COX6B2: variants seen among roughly 807,000 people sequenced by gnomAD.
COX6B2 encodes cytochrome c oxidase subunit 6B2, also known as COX VIb-2.
In COX6B2, 12 loss-of-function variants were observed where a neutral mutation model predicts 13.7. The ratio of observed to expected loss-of-function variants is 0.87; its 90% CI spans 0.56 to 1.41. The LOEUF (loss-of-function observed/expected upper bound fraction) is 1.41, where lower values mean the gene tolerates loss of function less well. Ranked by LOEUF, COX6B2 falls within the 40% of genes most tolerant of loss-of-function variation. COX6B2 has a pLI of 0.00. For synonymous variants in COX6B2, 56 were observed against 46.6 expected (o/e 1.20, Z -0.82); for missense variants, 130 against 118.3 (o/e 1.10, Z -0.46).
rs916752522 is a variant in COX6B2 at position 55,350,130 on chromosome 19, A to AAAAAAT, written c.*779_*784dup. ...TGACAGGAGCGAAACTCTGTCTCAA[A>AAAAAAT]AAAAATAAAAATAAAAATAAAAATG... On this transcript the variant is annotated 3_prime_UTR_variant, in exon 5 of 5. Coordinates refer to ENST00000326529, the MANE Select transcript of COX6B2 (RefSeq NM_144613.5). This position sits in a 1 kb window ranked among gnomAD's most constrained non-coding sequence, Gnocchi z 4.2. 5.9e-5 allele frequency: 9 copies of AAAAAAT among 152,194 alleles called. No homozygotes were observed. Among genetic ancestry groups the AAAAAAT allele is most frequent in the South Asian group, 4.1e-4 (2 of 4,834 alleles). The allele number at this position is 152,194 out of a possible 1,614,324, so 9.4% of individuals were successfully genotyped here. A position where few individuals can be genotyped will look rare whatever the true frequency, so the allele number is the denominator to read the frequency against.
rs2089677926 is a variant in COX6B2, at chr19:55,352,809, G to T, written c.*114+798C>A. 6.6e-6 allele frequency: 1 copy of T among 152,340 alleles called. No homozygotes were observed. The highest frequency in any genetic ancestry group is 6.5e-5 in the Admixed American group (1 of 15,282). The allele number at this position is 152,340 out of a possible 1,614,324, so 9.4% of individuals were successfully genotyped here. A position where few individuals can be genotyped will look rare whatever the true frequency, so the allele number is the denominator to read the frequency against. On this transcript the variant is annotated intron_variant, in intron 4 of 4. Transcript: ENST00000326529. The surrounding 1 kb of genome is among the most constrained non-coding windows in gnomAD (Gnocchi z 6.2). Reference sequence around the variant, plus strand: ...TCCGTGTTACTGCCGGGATGGGGAAGGAGTAAAGAATGATTCCGAGGGAGC... The same window carrying T: ...TCCGTGTTACTGCCGGGATGGGGAATGAGTAAAGAATGATTCCGAGGGAGC...
At position 55,353,849 on chromosome 19, in the gene COX6B2, C is replaced by G; in HGVS notation, c.213+17G>C. 3 of 1,580,912 alleles carry G rather than the reference C, an allele frequency of 1.9e-6. No homozygotes were observed. Among genetic ancestry groups the G allele is most frequent in the Non-Finnish European group, 2.6e-6 (3 of 1,163,972 alleles). ...GCCCTGCACACGCCTGGCCCGGCGC[C>G]CCCTCTGCCGACTCACCCAGCTGAT... is the stretch of plus-strand genomic sequence containing the variant. On this transcript the variant is annotated intron_variant, in intron 3 of 4. Transcript: ENST00000326529.
chr19:55,353,978 G>A lies in COX6B2; in HGVS notation c.113-12C>T, dbSNP rs375975717. 5 of 1,537,810 alleles carry A rather than the reference G, an allele frequency of 3.3e-6. No homozygotes were observed. The highest frequency in any genetic ancestry group is 2.1e-4 in the Middle Eastern group (1 of 4,778). On this transcript the variant is annotated splice_polypyrimidine_tract_variant and intron_variant, in intron 2 of 4. Coordinates refer to ENST00000326529, the MANE Select transcript of COX6B2 (RefSeq NM_144613.5). ...GCAGCGGTGGTAGTCTGTGGCGGGC[G>A]GGGGTCACGCGGCAAGCCACGCCCA...
chr19:55,354,357 G>A (rs2089693882), intron 2 of COX6B2, 53 bp downstream of exon 2: 2 of 1,423,132 alleles, frequency 1.4e-6, no homozygotes, highest in Non-Finnish European at 1.9e-6. Context: ...GCCCCTCCCT[G>A]CCGTCCCTTG....
At chr19:55,354,079 C>T (rs1600274794) in intron 2 of COX6B2, 113 bp from the exon 3 acceptor site, 24 of 955,292 alleles carry the variant, frequency 2.5e-5, no homozygotes, top group African/African-American at 1.9e-4. Context: ...TCCCTCTCCC[C>T]TGGAGGCCTC....
Position 55,353,932 on chromosome 19 carries a change from G to A in COX6B2, c.147C>T (p.Arg49=). ...YHRCLKTRTR[R]GKSTQPCEYY... is the part of the protein sequence containing the mutation. ...ACTCGCAGGGCTGCGTGCTCTTCCCGCGGCGGGTCCTGGTCTTGAGGCAGC... is the reference window on the plus strand; with the variant it reads ...ACTCGCAGGGCTGCGTGCTCTTCCCACGGCGGGTCCTGGTCTTGAGGCAGC... The change falls in exon 3 of 5, where the codon CGC becomes CGT. Residue 49 remains arginine (R), a synonymous_variant. Coordinates refer to ENST00000326529, the MANE Select transcript of COX6B2 (RefSeq NM_144613.5). 4 of 1,561,034 alleles carry A rather than the reference G, an allele frequency of 2.6e-6. No individual in the cohort carries two copies. Among genetic ancestry groups the A allele is most frequent in the Non-Finnish European group, 3.5e-6 (4 of 1,155,032 alleles).
chr19:55,353,311 C>A (rs897239507), intron 4 of COX6B2: 1 of 311,622 alleles, frequency 3.2e-6, no homozygotes, highest in African/African-American at 2.3e-5. Context: ...GGCAGGAGCA[C>A]CTTGGAGCCA....
chr19:55,353,380 G>A (rs2089682830), intron 4 of COX6B2: 2 of 419,810 alleles, frequency 4.8e-6, no homozygotes, highest in Non-Finnish European at 8.8e-6. Context: ...CTGTCAACGC[G>A]AGGCATCTAC....
intron 4 of COX6B2, among the ~76,000 whole-genome samples, chr19:55,351,045 GTCAA>G (rs1454820486): frequency 1.3e-5 from 2 of 152,154 alleles, no homozygotes; most frequent in African/African-American, 4.8e-5. Context: ...TGTCTGTCCG[GTCAA>G]TCAGTCTCAC....
rs1320479094 is a variant in COX6B2 at position 55,353,948 on chromosome 19, T to G, written c.131A>C (p.Lys44Thr). The change falls in exon 3 of 5, where the codon AAG becomes ACG. Residue 44 changes from lysine to threonine, a missense_variant. Physicochemically the swap from Lys to Thr is moderately conservative, Grantham distance 78 (BLOSUM62 -1). Coordinates refer to ENST00000326529, the MANE Select transcript of COX6B2 (RefSeq NM_144613.5). ...GCTCTTCCCGCGGCGGGTCCTGGTC[T>G]TGAGGCAGCGGTGGTAGTCTGTGGC... ...QNFLDYHRCL[K>T]TRTRRGKSTQ... The G allele has an allele frequency of 6.4e-7, 1 of 1,554,052 alleles. No individual in the cohort carries two copies. Among genetic ancestry groups the G allele is most frequent in the Admixed American group, 1.9e-5 (1 of 52,176 alleles).
chr19:55,354,373 C>T (rs1295563919), intron 2 of COX6B2, 37 bp downstream of exon 2: 3 of 1,549,206 alleles, frequency 1.9e-6, no homozygotes, highest in Non-Finnish European at 2.7e-6. Context: ...CCTTGTCACA[C>T]CCTGCTCCTC....
chr19:55,353,769 C>T lies in COX6B2; in HGVS notation c.219G>A (p.Glu73=). 1.2e-6 allele frequency: 2 copies of T among 1,609,576 alleles called. No individual in the cohort carries two copies. Among genetic ancestry groups the T allele is most frequent in the Non-Finnish European group, 8.5e-7 (1 of 1,178,046 alleles). Residue 73 remains glutamate (E), a synonymous_variant, in exon 4 of 5, where the codon GAG becomes GAA. Transcript: ENST00000326529. ...CGTTCTTGATCTGCTCGTTCCAGCTCTCCACCTGGGAAGCAGAAAGGCAGG... is the reference window on the plus strand; with the variant it reads ...CGTTCTTGATCTGCTCGTTCCAGCTTTCCACCTGGGAAGCAGAAAGGCAGG... The part of the protein sequence containing the change: ...YHSLCPISWV[E]SWNEQIKNGI...
Position 55,352,658 on chromosome 19 carries a change from C to T in COX6B2, c.*114+949G>A, listed in dbSNP as rs961336287. 3.9e-5 allele frequency: 6 copies of T among 152,150 alleles called. No individual in the cohort carries two copies. Among genetic ancestry groups the T allele is most frequent in the Non-Finnish European group, 8.8e-5 (6 of 68,024 alleles). The allele number at this position is 152,150 out of a possible 1,614,324, so 9.4% of individuals were successfully genotyped here. Reference sequence around the variant, plus strand: ...GAGTACCCGTTGGGAAAACCAGCACCCCAGGCTGACTGGTCTCACGGCTCC... The same window carrying T: ...GAGTACCCGTTGGGAAAACCAGCACTCCAGGCTGACTGGTCTCACGGCTCC... On this transcript the variant is annotated intron_variant, in intron 4 of 4. Transcript: ENST00000326529. This position sits in a 1 kb window ranked among gnomAD's most constrained non-coding sequence, Gnocchi z 6.2.
chr19:55,351,125 C>T (rs1343728865), intron 4 of COX6B2, among the ~76,000 whole-genome samples: 2 of 152,228 alleles, frequency 1.3e-5, no homozygotes, highest in African/African-American at 2.4e-5. Flanking sequence ...CAGATTGTCT[C>T]TATGGCTAGA....
intron 2 of COX6B2, 33 bp downstream of exon 2, chr19:55,354,377 G>A (rs1351013652): frequency 1.3e-6 from 2 of 1,549,960 alleles, no homozygotes; most frequent in African/African-American, 2.7e-5. Context: ...GTCACACCCT[G>A]CTCCTCCCAT....
chr19:55,354,408 A>T lies in COX6B2; in HGVS notation c.112+2T>A, dbSNP rs1413440169. On this transcript the variant is annotated splice_donor_variant, in intron 2 of 4. Coordinates refer to ENST00000326529, the MANE Select transcript of COX6B2 (RefSeq NM_144613.5). LOFTEE classifies it high-confidence loss of function. ...CCCATAACCTGGCTGAGCAGGTCTC[A>T]CCCAGGAAGTTCTGGTAGCAGTTAC... The T allele has an allele frequency of 6.8e-6, 11 of 1,609,746 alleles. No homozygotes were observed. Among genetic ancestry groups the T allele is most frequent in the Non-Finnish European group, 8.5e-6 (10 of 1,178,114 alleles).
Position 55,354,509 on chromosome 19 carries a change from C to G in COX6B2, c.13G>C (p.Glu5Gln). 1.2e-6 allele frequency: 2 copies of G among 1,611,608 alleles called. No homozygotes were observed. The highest frequency in any genetic ancestry group is 1.7e-6 in the Non-Finnish European group (2 of 1,178,322). The stretch of plus-strand genomic sequence containing the variant: ...TTCCCCTTGGGGGGCTCCTGGGCTT[C>G]CACATCCAACATCCACGAAGGAGGC... Reference protein sequence around the residue: MLDVEAQEPPKGKWS... With the variant: MLDVQAQEPPKGKWS... The change falls in exon 2 of 5, where the codon GAA becomes CAA. Residue 5 changes from glutamate (E) to glutamine (Q), a missense_variant. Transcript: ENST00000326529.
intron 2 of COX6B2, 118 bp from the exon 3 acceptor site, chr19:55,354,084 G>A (rs2089690253): frequency 3.2e-6 from 3 of 930,484 alleles, no homozygotes; most frequent in Middle Eastern, 3.3e-4. Context: ...CTCCCCTGGA[G>A]GCCTCCGTCC....
At position 55,350,675 on chromosome 19, in the gene COX6B2, A is replaced by C. The variant is rs1295702527; in HGVS notation, c.*240T>G. 1 of 152,354 alleles carries C rather than the reference A, an allele frequency of 6.6e-6. No homozygotes were observed. The highest frequency in any genetic ancestry group is 1.5e-5 in the Non-Finnish European group (1 of 68,132). The allele number at this position is 152,354 out of a possible 1,614,324, so 9.4% of individuals were successfully genotyped here. ...AGGGGCCTGGGGTCATGAGTTCACC[A>C]AGGTAGCTCAAGGACAGGAAGAAAC... On this transcript the variant is annotated 3_prime_UTR_variant, in exon 5 of 5. Coordinates refer to ENST00000326529, the MANE Select transcript of COX6B2 (RefSeq NM_144613.5). This position sits in a 1 kb window ranked among gnomAD's most constrained non-coding sequence, Gnocchi z 4.2.
Sources: allele counts gnomAD v4.1 joint callset (sites outside exome capture counted in the v4.1 genomes callset), GRCh38; gene constraint gnomAD v4.1.1; non-coding constraint Gnocchi (gnomAD v3.1); transcripts MANE v1.5; gene names NCBI Gene and HGNC (gene_info 2026-07-23, HGNC 2026-07-21).